PRKAG2: variants seen among roughly 807,000 people sequenced by gnomAD.
PRKAG2 encodes protein kinase AMP-activated non-catalytic subunit gamma 2.
PRKAG2 carries 26 observed loss-of-function variants against 69.6 expected under a neutral mutation model. That is an observed-to-expected ratio of 0.37 (90% confidence interval 0.27 to 0.52). The LOEUF (loss-of-function observed/expected upper bound fraction) is 0.52. Among genes scored for constraint, PRKAG2 ranks in the 20% least tolerant of loss-of-function variants. The pLI is 0.90. For synonymous variants in PRKAG2, 293 were observed against 285.0 expected (o/e 1.03, Z -0.28); for missense variants, 557 against 740.0 (o/e 0.75, Z 2.87).
At chr7:151,750,256 T>G (rs1454791733) in intron 3 of PRKAG2, among the ~76,000 whole-genome samples, 1 of 152,206 alleles carries the variant, frequency 6.6e-6, no homozygotes, top group African/African-American at 2.4e-5. Flanking sequence ...CCTGCAGTCC[T>G]AGGTATATAC....
intron 1 of PRKAG2, among the ~76,000 whole-genome samples, chr7:151,831,149 G>A (rs56259653): frequency 6.6e-6 from 1 of 152,026 alleles, no homozygotes; most frequent in Non-Finnish European, 1.5e-5. Context: ...GAATGTAAAA[G>A]GGTGCTGCCA....
chr7:151,745,902 C>T (rs894927863), intron 3 of PRKAG2, among the ~76,000 whole-genome samples: 1 of 152,158 alleles, frequency 6.6e-6, no homozygotes, highest in Non-Finnish European at 1.5e-5. Flanking sequence ...CAAGAGCACA[C>T]CAGGCCAAGA....
intron 5 of PRKAG2, among the ~76,000 whole-genome samples, chr7:151,618,673 G>A (rs1185972992): frequency 6.6e-6 from 1 of 152,148 alleles, no homozygotes; most frequent in Non-Finnish European, 1.5e-5. Context: ...GCTGAGGCAG[G>A]AGAATTGCTT....
intron 3 of PRKAG2, among the ~76,000 whole-genome samples, chr7:151,700,867 G>A (rs147761991): frequency 2.6e-5 from 4 of 152,326 alleles, no homozygotes; most frequent in African/African-American, 4.8e-5. Context: ...TGGCCTGCCC[G>A]TTTAGAGGTC....
At chr7:151,687,763 G>A (rs1046808363) in intron 3 of PRKAG2, among the ~76,000 whole-genome samples, 2 of 152,234 alleles carry the variant, frequency 1.3e-5, no homozygotes, top group Non-Finnish European at 2.9e-5. Flanking sequence ...TCCATTCCAG[G>A]AGGTTTCTGA....
At chr7:151,706,083 T>C (rs544452087) in intron 3 of PRKAG2, among the ~76,000 whole-genome samples, 6 of 151,852 alleles carry the variant, frequency 4.0e-5, no homozygotes, top group Admixed American at 3.9e-4. Context: ...CTTCCCGGAG[T>C]AAAAGGTTAG....
In PRKAG2 at chr7:151,632,676, C is replaced by T. The variant is rs558799711; in HGVS notation, c.685-538G>A. On this transcript the variant is annotated intron_variant, in intron 4 of 15. Coordinates refer to ENST00000287878, the MANE Select transcript of PRKAG2 (RefSeq NM_016203.4). The surrounding 1 kb of genome is among the most constrained non-coding windows in gnomAD (Gnocchi z 4.2). ...CTGGAGGCTGCAGAACGCCCCGGGG[C>T]GCCAGCTAGGGGATCCTTTCTCGCT... is the stretch of plus-strand genomic sequence containing the variant. 2.3e-6 allele frequency: 2 copies of T among 885,202 alleles called. No individual in the cohort carries two copies. The highest frequency in any genetic ancestry group is 2.4e-4 in the East Asian group (2 of 8,356). The allele number at this position is 885,202 out of a possible 1,614,324, so 54.8% of individuals were successfully genotyped here.
At chr7:151,569,347 T>C (rs1301827486) in intron 10 of PRKAG2, among the ~76,000 whole-genome samples, 1 of 152,252 alleles carries the variant, frequency 6.6e-6, no homozygotes, top group Non-Finnish European at 1.5e-5. Context: ...GAAGAGGAGT[T>C]TTTTTAAAGA....
intron 3 of PRKAG2, chr7:151,736,240 C>T (rs936579523): frequency 4.0e-5 from 54 of 1,358,198 alleles, no homozygotes; most frequent in East Asian, 5.6e-5. Flanking sequence ...GCCGTCCTGA[C>T]GGGGCTGCAC....
chr7:151,607,284 CTTTG>C (rs113737967), intron 5 of PRKAG2, among the ~76,000 whole-genome samples: 6,837 of 152,034 alleles, frequency 0.045, 499 homozygotes, highest in African/African-American at 0.16. Context: ...TGTTTGGTAC[CTTTG>C]TTTGTTTTTT....
chr7:151,802,722 G>A lies in PRKAG2; in HGVS notation c.115-16181C>T, dbSNP rs192779542. 2.1e-3 allele frequency among the ~76,000 whole-genome samples: 320 copies of A among 152,154 alleles called. 9 individuals carry two copies. The highest frequency in any genetic ancestry group is 7.5e-3 in the African/African-American group (312 of 41,524). On this transcript the variant is annotated intron_variant, in intron 1 of 15. Transcript: ENST00000287878. ...TTGCTTCCTGCCTGCAGAAGGTGTCGGACTCTGCCTGGCATTCAGTGCACC... is the reference window on the plus strand; with the variant it reads ...TTGCTTCCTGCCTGCAGAAGGTGTCAGACTCTGCCTGGCATTCAGTGCACC...
chr7:151,848,131 A>G (rs1239088812), intron 1 of PRKAG2, among the ~76,000 whole-genome samples: 2 of 152,202 alleles, frequency 1.3e-5, no homozygotes, highest in Non-Finnish European at 2.9e-5. Flanking sequence ...AAACCTTTGG[A>G]TAAATACTGC....
chr7:151,722,650 G>A (rs1228950073), intron 3 of PRKAG2, among the ~76,000 whole-genome samples: 1 of 152,034 alleles, frequency 6.6e-6, no homozygotes, highest in Non-Finnish European at 1.5e-5. Context: ...GGGGACACAC[G>A]GACATGCAGC....
rs1837326427 is a variant in PRKAG2 at position 151,699,644 on chromosome 7, G to A, written c.467-24007C>T. Among the ~76,000 whole-genome samples, 2 of 152,242 alleles carry A rather than the reference G, an allele frequency of 1.3e-5. No homozygotes were observed. The highest frequency in any genetic ancestry group is 4.8e-5 in the African/African-American group (2 of 41,462). On this transcript the variant is annotated intron_variant, in intron 3 of 15. Transcript: ENST00000287878. The surrounding 1 kb of genome is among the most constrained non-coding windows in gnomAD (Gnocchi z 4.5). ...GGAAGAACTGGAAGTGGGATATGCA[G>A]TGCCTGGGCTTGGGGTAACAGAACC... is the stretch of plus-strand genomic sequence containing the variant.
chr7:151,626,794 G>GTTTTTTTTTTTTTTTTTTTT, intron 5 of PRKAG2, among the ~76,000 whole-genome samples: 1 of 151,688 alleles, frequency 6.6e-6, no homozygotes, highest in African/African-American at 2.4e-5. Flanking sequence ...CCCTCCCTGA[G>GTTTTTTTTTTTTTTTTTTTT]TCTTTTTTAT....
At chr7:151,701,181 G>A (rs571263595) in intron 3 of PRKAG2, among the ~76,000 whole-genome samples, 225 of 152,324 alleles carry the variant, frequency 1.5e-3, no homozygotes, top group South Asian at 3.1e-3. Context: ...TGGGCCGGGG[G>A]AGGAGGAGGT....
chr7:151,669,144 T>C (rs1194038831), intron 4 of PRKAG2, among the ~76,000 whole-genome samples: 1 of 151,986 alleles, frequency 6.6e-6, no homozygotes, highest in African/African-American at 2.4e-5. Context: ...CTCCCTGCAC[T>C]CACTCTTTCC....
intron 1 of PRKAG2, among the ~76,000 whole-genome samples, chr7:151,843,425 G>A (rs977691176): frequency 2.0e-5 from 3 of 152,090 alleles, no homozygotes; most frequent in African/African-American, 4.8e-5. Flanking sequence ...ACCATCACGC[G>A]GCTACAGCTG....
At chr7:151,688,365 T>C (rs1389880479) in intron 3 of PRKAG2, among the ~76,000 whole-genome samples, 5 of 152,234 alleles carry the variant, frequency 3.3e-5, no homozygotes, top group Non-Finnish European at 7.3e-5. Flanking sequence ...TAACACAGCA[T>C]CGTTCATGCC....
Sources: allele counts gnomAD v4.1 joint callset (sites outside exome capture counted in the v4.1 genomes callset), GRCh38; gene constraint gnomAD v4.1.1; non-coding constraint Gnocchi (gnomAD v3.1); transcripts MANE v1.5; gene names NCBI Gene and HGNC (gene_info 2026-07-23, HGNC 2026-07-21).